The following TDP1 variants were observed in gnomAD, a reference collection of about 807,000 sequenced individuals.
TDP1 encodes the protein tyr-DNA phosphodiesterase 1.
Under a neutral mutation model 81.5 loss-of-function variants are expected in TDP1, and 64 were observed. The ratio of observed to expected loss-of-function variants is 0.79; its 90% confidence interval spans 0.64 to 0.97. The LOEUF (loss-of-function observed/expected upper bound fraction) is 0.97, where lower values mean the gene tolerates loss of function less well. Ranked by LOEUF, TDP1 falls within the 50% of genes least tolerant of loss-of-function variation. The pLI, the probability that TDP1 is intolerant of heterozygous loss-of-function variation, is 0.00. For missense variants in TDP1, 723 were observed against 743.8 expected (o/e 0.97, Z 0.33); for synonymous variants, 256 against 264.3 (o/e 0.97, Z 0.30).
chr14:90,034,150 C>G (rs1173861222), intron 16 of TDP1, among the ~76,000 whole-genome samples: 5 of 152,188 alleles, frequency 3.3e-5, no homozygotes, highest in African/African-American at 1.2e-4. Context: ...TTGCAAGCCT[C>G]TTTATGTGCA....
At chr14:89,977,359 G>A (rs983004267) in intron 7 of TDP1, among the ~76,000 whole-genome samples, 15 of 151,940 alleles carry the variant, frequency 9.9e-5, no homozygotes, top group South Asian at 2.1e-4. Context: ...GTACAATGGC[G>A]CAATCTCAGC....
chr14:89,975,734 G>A, intron 6 of TDP1, 47 bp from the exon 7 acceptor site: 2 of 1,503,022 alleles, frequency 1.3e-6, no homozygotes, highest in Non-Finnish European at 1.9e-6. Context: ...AGTAGATATG[G>A]ATATTAGTGA....
Position 89,998,372 on chromosome 14 carries a change from T to TACA in TDP1, c.1541+4889_1541+4890insACA, listed in dbSNP as rs1200786304. Among the ~76,000 whole-genome samples, 4 of 53,148 alleles carry TACA rather than the reference T, an allele frequency of 7.5e-5. No individual in the cohort carries two copies. In the East Asian group the frequency reaches 1.1e-3, roughly 15 times the overall value. The allele number at this position is 53,148 out of a possible 152,430, so 34.9% of individuals were successfully genotyped here. A position where few individuals can be genotyped will look rare whatever the true frequency, so the allele number is the denominator to read the frequency against. ...AGTTCCAGGCACAGTTCCAAGCACA[T>TACA]TATATATATATATATATATATATAT... On this transcript the variant is annotated intron_variant, in intron 14 of 16. Transcript: ENST00000335725.
intron 2 of TDP1, 62 bp downstream of exon 2, chr14:89,956,862 G>A (rs572803356): frequency 1.3e-5 from 2 of 152,440 alleles, no homozygotes; most frequent in South Asian, 4.1e-4. Context: ...TTGCGCCATT[G>A]CGCTCCAGCC....
intron 2 of TDP1, chr14:89,958,430 G>C (rs1891927831): frequency 6.6e-6 from 1 of 152,330 alleles, no homozygotes; most frequent in Admixed American, 6.5e-5. Flanking sequence ...ACAGTTCTCA[G>C]CAGAGACGGG....
At chr14:90,008,944 A>G (rs970705484) in intron 14 of TDP1, among the ~76,000 whole-genome samples, 4 of 152,192 alleles carry the variant, frequency 2.6e-5, no homozygotes, top group Non-Finnish European at 5.9e-5. Context: ...TCTGGCCTCA[A>G]GTGATCCTTC....
intron 14 of TDP1, among the ~76,000 whole-genome samples, chr14:89,997,885 C>T (rs1053520609): frequency 2.0e-5 from 3 of 152,126 alleles, no homozygotes; most frequent in Admixed American, 6.5e-5. Flanking sequence ...ACCTACTATG[C>T]ACCACACACT....
At chr14:89,967,809 G>A (rs892277979) in intron 5 of TDP1, among the ~76,000 whole-genome samples, 2 of 152,168 alleles carry the variant, frequency 1.3e-5, no homozygotes, top group Admixed American at 6.5e-5. Flanking sequence ...CTGTTTTGAG[G>A]ATCCCTTTGT....
upstream of TDP1, chr14:89,955,634 C>G (rs531999681): frequency 7.3e-4 from 111 of 152,480 alleles, no homozygotes; most frequent in African/African-American, 2.6e-3. Flanking sequence ...AACGCCGCTG[C>G]ATGGAGCCCT....
chr14:90,022,205 G>C (rs1454074218), intron 15 of TDP1, among the ~76,000 whole-genome samples: 2 of 152,216 alleles, frequency 1.3e-5, no homozygotes, highest in East Asian at 3.8e-4. Context: ...AGATCTGAGG[G>C]AGGTGCCTAC....
intron 14 of TDP1, among the ~76,000 whole-genome samples, chr14:90,008,950 C>A (rs544232734): frequency 1.8e-4 from 27 of 151,846 alleles, no homozygotes; most frequent in African/African-American, 6.6e-4. Context: ...CTCAAGTGAT[C>A]CTTCTGTCTT....
intron 2 of TDP1, among the ~76,000 whole-genome samples, chr14:89,957,799 C>T (rs550028691): frequency 3.3e-5 from 5 of 152,334 alleles, no homozygotes; most frequent in African/African-American, 1.2e-4. Flanking sequence ...ACTCACCTGC[C>T]TTCTCCCCAG....
intron 10 of TDP1, among the ~76,000 whole-genome samples, chr14:89,985,732 C>A (rs1040741720): frequency 3.3e-5 from 5 of 152,030 alleles, no homozygotes; most frequent in African/African-American, 1.2e-4. Flanking sequence ...GTTTACTGAC[C>A]TTAATAAATT....
intron 15 of TDP1, among the ~76,000 whole-genome samples, chr14:90,028,488 A>G (rs966169884): frequency 3.9e-5 from 6 of 152,218 alleles, no homozygotes; most frequent in African/African-American, 1.4e-4. Context: ...AAAGCCAGCA[A>G]TTTCTCATGT....
intron 16 of TDP1, among the ~76,000 whole-genome samples, chr14:90,036,286 C>A (rs1187096614): frequency 6.6e-6 from 1 of 152,152 alleles, no homozygotes; most frequent in Non-Finnish European, 1.5e-5. Context: ...TTCAGTATTA[C>A]CAGTTCATAT....
chr14:90,027,817 A>C (rs1033212524), intron 15 of TDP1, among the ~76,000 whole-genome samples: 6 of 152,346 alleles, frequency 3.9e-5, no homozygotes, highest in Non-Finnish European at 8.8e-5. Context: ...ATGTGAGATC[A>C]AGAGTTATAA....
intron 16 of TDP1, chr14:90,033,461 C>T: frequency 1.9e-6 from 1 of 540,526 alleles, no homozygotes; most frequent in South Asian, 1.8e-5. Flanking sequence ...TGCTGATAAA[C>T]CCCTCATGAA....
At chr14:90,030,827 G>A (rs1023436240) in intron 15 of TDP1, among the ~76,000 whole-genome samples, 3 of 151,522 alleles carry the variant, frequency 2.0e-5, no homozygotes, top group Non-Finnish European at 4.4e-5. Context: ...GTGCAGTGGC[G>A]TGATTTTGGC....
In TDP1 at chr14:90,013,854, C is replaced by T. The variant is rs1277846893; in HGVS notation, c.1542-5462C>T. Among the ~76,000 whole-genome samples, 4 of 152,164 alleles carry T rather than the reference C, an allele frequency of 2.6e-5. No homozygotes were observed. The East Asian group carries it at 5.8e-4, about 22-fold the overall frequency. ...GAGGAAACCTCTTTTACTTGGCTCTCATTTTCTCTGTTTGCCTGCTACCAC... is the reference window on the plus strand; with the variant it reads ...GAGGAAACCTCTTTTACTTGGCTCTTATTTTCTCTGTTTGCCTGCTACCAC... On this transcript the variant is annotated intron_variant, in intron 14 of 16. Coordinates refer to ENST00000335725, the MANE Select transcript of TDP1 (RefSeq NM_018319.4).
Sources: allele counts gnomAD v4.1 joint callset (sites outside exome capture counted in the v4.1 genomes callset), GRCh38; gene constraint gnomAD v4.1.1; transcripts MANE v1.5; gene names NCBI Gene and HGNC (gene_info 2026-07-23, HGNC 2026-07-21).